The following PPP2R2A variants were observed in gnomAD, a reference collection of about 807,000 sequenced individuals.
PPP2R2A encodes protein phosphatase 2 regulatory subunit Balpha.
In PPP2R2A, 9 loss-of-function variants were observed where a neutral mutation model predicts 53.2. That is an observed-to-expected ratio of 0.17 (90% CI 0.10 to 0.30). The LOEUF is 0.30. Among genes scored for constraint, PPP2R2A ranks in the 10% least tolerant of loss-of-function variants. The pLI, the probability that PPP2R2A is intolerant of heterozygous loss-of-function variation, is 1.00. For missense variants in PPP2R2A, 235 were observed against 534.6 expected (o/e 0.44, Z 5.53); for synonymous variants, 169 against 174.2 (o/e 0.97, Z 0.23).
At chr8:26,300,953 A>T (rs769641761) in intron 2 of PPP2R2A, among the ~76,000 whole-genome samples, 2 of 152,216 alleles carry the variant, frequency 1.3e-5, no homozygotes, top group Admixed American at 1.3e-4. Flanking sequence ...CATCTTGAGT[A>T]CCTACATTTT....
chr8:26,302,833 TGTA>T (rs1206263359), intron 2 of PPP2R2A, among the ~76,000 whole-genome samples: 1 of 152,214 alleles, frequency 6.6e-6, no homozygotes, highest in East Asian at 1.9e-4. Context: ...GGGAGGGGGA[TGTA>T]GTCATTTTTC....
rs1330859126 is a variant in PPP2R2A, at chr8:26,360,961, G to C, written c.460-13G>C. The C allele has an allele frequency of 6.3e-7, 1 of 1,575,646 alleles. No individual in the cohort carries two copies. The highest frequency in any genetic ancestry group is 1.2e-5 in the South Asian group (1 of 83,134). ...CTTTTGTAATTTCTGTTTTTCATGT[G>C]TCTTATTGACAGGTGCCAGTCTTTA... On this transcript the variant is annotated splice_polypyrimidine_tract_variant and intron_variant, in intron 5 of 9. Transcript: ENST00000380737. This position sits in a 1 kb window ranked among gnomAD's most constrained non-coding sequence, Gnocchi z 4.5.
chr8:26,337,559 A>C (rs1803729078), intron 2 of PPP2R2A, among the ~76,000 whole-genome samples: 1 of 152,190 alleles, frequency 6.6e-6, no homozygotes, highest in Non-Finnish European at 1.5e-5. Context: ...CAGAACTCCT[A>C]ATCAAATGAC....
intron 2 of PPP2R2A, among the ~76,000 whole-genome samples, chr8:26,312,032 A>AAATTATG (rs2117236381): frequency 6.6e-6 from 1 of 152,208 alleles, no homozygotes; most frequent in East Asian, 1.9e-4. Flanking sequence ...TTTACATTAT[A>AAATTATG]AATATTTTCT....
intron 2 of PPP2R2A, among the ~76,000 whole-genome samples, chr8:26,324,150 C>T (rs1044782686): frequency 1.3e-5 from 2 of 152,240 alleles, no homozygotes; most frequent in African/African-American, 4.8e-5. Context: ...TTTCCTTCAA[C>T]AAGTTTGGAT....
intron 9 of PPP2R2A, among the ~76,000 whole-genome samples, chr8:26,366,694 G>A (rs1291112318): frequency 6.6e-6 from 1 of 152,060 alleles, no homozygotes; most frequent in Non-Finnish European, 1.5e-5. Context: ...TGAAGCTTCA[G>A]CTTGGTTGTT....
chr8:26,352,750 T>G (rs948823336), intron 3 of PPP2R2A, among the ~76,000 whole-genome samples: 1 of 152,216 alleles, frequency 6.6e-6, no homozygotes, highest in East Asian at 1.9e-4. Flanking sequence ...AGGAAGATGT[T>G]CATGTTTTGT....
intron 2 of PPP2R2A, among the ~76,000 whole-genome samples, chr8:26,306,601 TAATC>T (rs1802036525): frequency 6.6e-6 from 1 of 152,126 alleles, no homozygotes; most frequent in African/African-American, 2.4e-5. Context: ...CCCACTGTAT[TAATC>T]AAATCTAGTT....
chr8:26,317,805 C>T (rs1268502461), intron 2 of PPP2R2A, among the ~76,000 whole-genome samples: 2 of 152,170 alleles, frequency 1.3e-5, no homozygotes, highest in African/African-American at 4.8e-5. Context: ...AGAGAGGGAT[C>T]TGAAGTGGAT....
At chr8:26,300,118 C>T (rs1279674520) in intron 2 of PPP2R2A, among the ~76,000 whole-genome samples, 7 of 152,104 alleles carry the variant, frequency 4.6e-5, no homozygotes, top group African/African-American at 1.7e-4. Flanking sequence ...TTTTCACATT[C>T]ATTTGACAAA....
rs1196842283 is a variant in PPP2R2A, at chr8:26,338,115, T to C, written c.83-775T>C. ...TGCTTTATAGTGAAGAACTTCTTAA[T>C]GACACAGTGATGAATTTTACCATGT... is the stretch of plus-strand genomic sequence containing the variant. On this transcript the variant is annotated intron_variant, in intron 2 of 9. Coordinates refer to ENST00000380737, the MANE Select transcript of PPP2R2A (RefSeq NM_002717.4). The surrounding 1 kb of genome is among the most constrained non-coding windows in gnomAD (Gnocchi z 4.5). 1.3e-5 allele frequency among the ~76,000 whole-genome samples: 2 copies of C among 152,238 alleles called. No individual in the cohort carries two copies. Among genetic ancestry groups the C allele is most frequent in the African/African-American group, 4.8e-5 (2 of 41,474 alleles).
At chr8:26,296,405 T>G (rs1234263666) in intron 2 of PPP2R2A, among the ~76,000 whole-genome samples, 28 of 152,210 alleles carry the variant, frequency 1.8e-4, no homozygotes, top group Admixed American at 1.8e-3. Flanking sequence ...GCTCTCTCAC[T>G]TTAGGGTCTT....
intron 3 of PPP2R2A, among the ~76,000 whole-genome samples, chr8:26,350,443 G>T (rs1019452325): frequency 6.6e-6 from 1 of 152,098 alleles, no homozygotes; most frequent in Non-Finnish European, 1.5e-5. Context: ...TGTTGCCCAG[G>T]TTGGAGTGTG....
chr8:26,352,463 C>T (rs1429843329), intron 3 of PPP2R2A, among the ~76,000 whole-genome samples: 3 of 152,142 alleles, frequency 2.0e-5, no homozygotes, highest in African/African-American at 7.2e-5. Context: ...TCATTTCTGC[C>T]ATTACTCTTT....
At chr8:26,363,404 C>CAGTCA (rs1317026827) in intron 7 of PPP2R2A, 8 of 204,484 alleles carry the variant, frequency 3.9e-5, no homozygotes, top group Non-Finnish European at 6.8e-5. Flanking sequence ...ATGATACAGG[C>CAGTCA]AGTCAGTGAG....
In PPP2R2A at chr8:26,338,822, A is replaced by G; in HGVS notation, c.83-68A>G. 9.1e-7 allele frequency: 1 copy of G among 1,098,744 alleles called. No individual in the cohort carries two copies. The highest frequency in any genetic ancestry group is 1.4e-5 in the South Asian group (1 of 69,096). 68.1% of individuals were successfully genotyped at this position (1,098,744 alleles called of 1,614,324 possible). A position where few individuals can be genotyped will look rare whatever the true frequency, so the allele number is the denominator to read the frequency against. ...CTTGGAATGTTTGGGAAAACACGCTAAGTTCTGAAACTAGTGAGTCGGGAA... is the reference window on the plus strand; with the variant it reads ...CTTGGAATGTTTGGGAAAACACGCTGAGTTCTGAAACTAGTGAGTCGGGAA... On this transcript the variant is annotated intron_variant, in intron 2 of 9. Transcript: ENST00000380737. This position sits in a 1 kb window ranked among gnomAD's most constrained non-coding sequence, Gnocchi z 4.5.
At chr8:26,313,537 C>T (rs892459245) in intron 2 of PPP2R2A, among the ~76,000 whole-genome samples, 4 of 152,176 alleles carry the variant, frequency 2.6e-5, no homozygotes, top group African/African-American at 7.2e-5. Flanking sequence ...AAGAAATCTG[C>T]GTCCTAATCT....
At chr8:26,334,286 G>A (rs1355966793) in intron 2 of PPP2R2A, among the ~76,000 whole-genome samples, 1 of 152,122 alleles carries the variant, frequency 6.6e-6, no homozygotes, top group Non-Finnish European at 1.5e-5. Flanking sequence ...GGTGGTGGTG[G>A]TTTGTGAGAA....
intron 8 of PPP2R2A, 110 bp downstream of exon 8, chr8:26,364,000 T>A (rs1453707595): frequency 1.0e-6 from 1 of 985,366 alleles, no homozygotes; most frequent in East Asian, 2.6e-5. Flanking sequence ...TGTTCACCAT[T>A]AGGCCTTTTC....
Sources: allele counts gnomAD v4.1 joint callset (sites outside exome capture counted in the v4.1 genomes callset), GRCh38; gene constraint gnomAD v4.1.1; non-coding constraint Gnocchi (gnomAD v3.1); transcripts MANE v1.5; gene names NCBI Gene and HGNC (gene_info 2026-07-23, HGNC 2026-07-21).